Variants in DLG2 observed in about 807,000 individuals in gnomAD.
DLG2 encodes the protein disks large homolog 2.
DLG2 carries 45 observed loss-of-function variants against 132.5 expected under a neutral mutation model. The observed-to-expected ratio is 0.34, with a 90% CI of 0.27 to 0.44. The LOEUF is 0.44. DLG2 is among the 20% of genes least tolerant of loss of function. DLG2 has a pLI of 1.00. For synonymous variants in DLG2, 424 were observed against 419.6 expected (o/e 1.01, Z -0.13); for missense variants, 1,045 against 1,196.9 (o/e 0.87, Z 1.87).
intron 6 of DLG2, among the ~76,000 whole-genome samples, chr11:85,059,694 A>AGGTGTATAT (rs1210669882): frequency 6.6e-6 from 1 of 151,662 alleles, no homozygotes; most frequent in East Asian, 1.9e-4. Context: ...TAGGCATATA[A>AGGTGTATAT]GTTTCACAGG....
intron 19 of DLG2, among the ~76,000 whole-genome samples, chr11:83,627,429 G>T (rs1423153658): frequency 1.3e-5 from 2 of 150,862 alleles, no homozygotes; most frequent in Non-Finnish European, 2.9e-5. Context: ...TGTTCTCATT[G>T]TTCAATTCCC....
In DLG2 at chr11:84,903,831, G is replaced by T. The variant is rs188306922; in HGVS notation, c.357+207830C>A. On this transcript the variant is annotated intron_variant, in intron 6 of 27. Coordinates refer to ENST00000376104, the MANE Select transcript of DLG2 (RefSeq NM_001142699.3). ...GATTCATAGCCAATAATGATTAAAGGCAAGTTACATCCACCTCAGAAAAAT... is the reference window on the plus strand; with the variant it reads ...GATTCATAGCCAATAATGATTAAAGTCAAGTTACATCCACCTCAGAAAAAT... 6.6e-5 allele frequency among the ~76,000 whole-genome samples: 10 copies of T among 152,094 alleles called. No homozygotes were observed. The East Asian group carries it at 1.9e-3, about 29-fold the overall frequency.
chr11:85,285,922 C>T (rs1032272334), intron 3 of DLG2, among the ~76,000 whole-genome samples: 1 of 150,566 alleles, frequency 6.6e-6, no homozygotes, highest in Non-Finnish European at 1.5e-5. Flanking sequence ...TGTCAAAACC[C>T]AAAGAACTCA....
chr11:84,200,103 T>C (rs2096572432), intron 8 of DLG2, among the ~76,000 whole-genome samples: 1 of 152,012 alleles, frequency 6.6e-6, no homozygotes, highest in East Asian at 1.9e-4. Flanking sequence ...GAAAACTTCT[T>C]AGAAAAAATA....
At position 84,969,646 on chromosome 11, in the gene DLG2, G is replaced by C. The variant is rs148827032; in HGVS notation, c.357+142015C>G. Among the ~76,000 whole-genome samples, 881 of 152,182 alleles carry C rather than the reference G, an allele frequency of 5.8e-3. 1 individual carries two copies. The highest frequency in any genetic ancestry group is 9.8e-3 in the Non-Finnish European group (668 of 68,020). ...ACTAGAAAAATAAGTTGTCTCTAGA[G>C]GAATATATCTTATGTCATGCTGAAA... is the stretch of plus-strand genomic sequence containing the variant. On this transcript the variant is annotated intron_variant, in intron 6 of 27. Coordinates refer to ENST00000376104, the MANE Select transcript of DLG2 (RefSeq NM_001142699.3).
chr11:85,380,633 C>A (rs1353645091), intron 3 of DLG2, among the ~76,000 whole-genome samples: 1 of 152,136 alleles, frequency 6.6e-6, no homozygotes, highest in Non-Finnish European at 1.5e-5. Context: ...GCTCTGCAGC[C>A]TGGGCAACAA....
rs540807763 is a variant in DLG2 at position 84,929,862 on chromosome 11, A to T, written c.357+181799T>A. Among the ~76,000 whole-genome samples, 40 of 152,236 alleles carry T rather than the reference A, an allele frequency of 2.6e-4. No individual in the cohort carries two copies. The South Asian group carries it at 8.3e-3, about 32-fold the overall frequency. On this transcript the variant is annotated intron_variant, in intron 6 of 27. Transcript: ENST00000376104. ...GAGAACCACTTGAACGCACAGCCTG[A>T]GAGTAAATGTAGATTTAGGAATACA...
At chr11:84,374,104 A>G (rs2098719752) in intron 7 of DLG2, among the ~76,000 whole-genome samples, 1 of 152,144 alleles carries the variant, frequency 6.6e-6, no homozygotes, top group Non-Finnish European at 1.5e-5. Flanking sequence ...CTTGCTTGAT[A>G]TGTTCCTTCC....
At chr11:84,659,323 C>T (rs1425104554) in intron 6 of DLG2, among the ~76,000 whole-genome samples, 1 of 151,884 alleles carries the variant, frequency 6.6e-6, no homozygotes, top group Non-Finnish European at 1.5e-5. Flanking sequence ...TCTATTCTGC[C>T]CCTCAATTCC....
intron 6 of DLG2, among the ~76,000 whole-genome samples, chr11:84,741,084 T>TTTTTGTTG (rs2064573831): frequency 7.3e-6 from 1 of 137,642 alleles, no homozygotes; most frequent in African/African-American, 2.8e-5. Context: ...TTTTTTTTTT[T>TTTTTGTTG]GAGATGGAGT....
At chr11:84,850,099 C>T (rs1329388896) in intron 6 of DLG2, among the ~76,000 whole-genome samples, 1 of 151,952 alleles carries the variant, frequency 6.6e-6, no homozygotes, top group Admixed American at 6.6e-5. Context: ...TAATTAATGC[C>T]CCTTGGTCTT....
chr11:84,700,039 G>A (rs553373328), intron 6 of DLG2, among the ~76,000 whole-genome samples: 1 of 151,534 alleles, frequency 6.6e-6, no homozygotes, highest in African/African-American at 2.4e-5. Flanking sequence ...AGAGATATAT[G>A]CTTTGTTAAA....
intron 6 of DLG2, among the ~76,000 whole-genome samples, chr11:84,733,017 C>A (rs1024261733): frequency 1.3e-5 from 2 of 152,122 alleles, no homozygotes; most frequent in African/African-American, 4.8e-5. Flanking sequence ...ATATGTGCCA[C>A]ATTTTCTTAA....
In DLG2 at chr11:84,445,120, G is replaced by A. The variant is rs922982530; in HGVS notation, c.519+89450C>T. Reference sequence around the variant, plus strand: ...AGCCACTGCACTTAGCCTATTGTACGCTATTTTAATTTTATCTTGCTATAG... The same window carrying A: ...AGCCACTGCACTTAGCCTATTGTACACTATTTTAATTTTATCTTGCTATAG... On this transcript the variant is annotated intron_variant, in intron 7 of 27. Coordinates refer to ENST00000376104, the MANE Select transcript of DLG2 (RefSeq NM_001142699.3). Among the ~76,000 whole-genome samples the A allele has an allele frequency of 6.6e-5, 10 of 152,012 alleles. No individual in the cohort carries two copies. In the South Asian group the frequency reaches 1.0e-3, roughly 16 times the overall value.
intron 5 of DLG2, among the ~76,000 whole-genome samples, chr11:85,138,116 T>TTAA (rs1418715689): frequency 1.4e-4 from 21 of 152,180 alleles, no homozygotes; most frequent in Non-Finnish European, 2.9e-4. Context: ...TTTTAACCCA[T>TTAA]CTTTTAATCA....
At chr11:84,451,771 T>A (rs1373655353) in intron 7 of DLG2, among the ~76,000 whole-genome samples, 1 of 151,790 alleles carries the variant, frequency 6.6e-6, no homozygotes, top group Non-Finnish European at 1.5e-5. Context: ...TGTAGTCTCT[T>A]CAATAGTGAT....
At chr11:85,000,417 AT>A (rs565422982) in intron 6 of DLG2, among the ~76,000 whole-genome samples, 1 of 152,190 alleles carries the variant, frequency 6.6e-6, no homozygotes, top group South Asian at 2.1e-4. Context: ...TTAAGGCCTT[AT>A]TTTTTTAAAT....
intron 18 of DLG2, among the ~76,000 whole-genome samples, chr11:83,767,409 A>C (rs1463163364): frequency 6.6e-6 from 1 of 152,202 alleles, no homozygotes; most frequent in Non-Finnish European, 1.5e-5. Flanking sequence ...CTTATTTTCA[A>C]CTGGGAGAAG....
At chr11:84,717,206 G>T (rs1170422974) in intron 6 of DLG2, among the ~76,000 whole-genome samples, 1 of 151,948 alleles carries the variant, frequency 6.6e-6, no homozygotes, top group Non-Finnish European at 1.5e-5. Flanking sequence ...TAACTTTCAG[G>T]AAAGGAAATA....
Sources: gnomAD v4.1 joint callset for allele counts (sites outside exome capture counted in the v4.1 genomes callset) on GRCh38, gnomAD v4.1.1 for gene constraint, MANE v1.5 for transcripts, NCBI Gene and HGNC (gene_info 2026-07-23, HGNC 2026-07-21) for gene names.